PIEZO2: variants seen among roughly 807,000 people sequenced by gnomAD.
PIEZO2 encodes piezo-type mechanosensitive ion channel component 2.
PIEZO2 carries 172 observed loss-of-function variants against 337.3 expected under a neutral mutation model. The ratio of observed to expected loss-of-function variants is 0.51; its 90% CI spans 0.45 to 0.58. The LOEUF is 0.58. Ranked by LOEUF, PIEZO2 falls within the 20% of genes least tolerant of loss-of-function variation. The pLI, the probability that PIEZO2 is intolerant of heterozygous loss-of-function variation, is 0.00. For missense variants in PIEZO2, 3,028 were observed against 3,391.3 expected (o/e 0.89, Z 2.66); for synonymous variants, 1,251 against 1,228.5 (o/e 1.02, Z -0.38).
rs1236031616 is a variant in PIEZO2, at chr18:10,746,954, A to G, written c.4424+1517T>C. ...TGTACTGTAGTAGAATTGCTTGCTC[A>G]TGTGCCACTTTCCTGCTACTCTGTG... On this transcript the variant is annotated intron_variant, in intron 30 of 55. Transcript: ENST00000674853. The surrounding 1 kb of genome is among the most constrained non-coding windows in gnomAD (Gnocchi z 4.2). Among the ~76,000 whole-genome samples the G allele has an allele frequency of 4.6e-5, 7 of 152,174 alleles. No individual in the cohort carries two copies. Among genetic ancestry groups the G allele is most frequent in the Non-Finnish European group, 2.9e-5 (2 of 68,026 alleles).
chr18:10,746,851 G>A lies in PIEZO2; in HGVS notation c.4424+1620C>T, dbSNP rs1219767146. 6.6e-6 allele frequency among the ~76,000 whole-genome samples: 1 copy of A among 152,182 alleles called. No individual in the cohort carries two copies. Among genetic ancestry groups the A allele is most frequent in the African/African-American group, 2.4e-5 (1 of 41,442 alleles). On this transcript the variant is annotated intron_variant, in intron 30 of 55. Transcript: ENST00000674853. This position sits in a 1 kb window ranked among gnomAD's most constrained non-coding sequence, Gnocchi z 4.2. The stretch of plus-strand genomic sequence containing the variant: ...TCCAGCCTGTGGAACTGTAAGAATT[G>A]AGTGTATACTGTTTATAGACCACCT...
intron 7 of PIEZO2, among the ~76,000 whole-genome samples, chr18:10,851,436 C>G (rs2041549289): frequency 6.6e-6 from 1 of 152,098 alleles, no homozygotes; most frequent in Admixed American, 6.5e-5. Flanking sequence ...ATTATAATAA[C>G]AGACCTTTTA....
intron 7 of PIEZO2, among the ~76,000 whole-genome samples, chr18:10,852,252 T>TA (rs2041575336): frequency 9.9e-5 from 15 of 152,230 alleles, no homozygotes; most frequent in Non-Finnish European, 1.9e-4. Flanking sequence ...CAAAATTCTT[T>TA]TCTTATTAGA....
intron 1 of PIEZO2, among the ~76,000 whole-genome samples, chr18:11,134,437 C>T (rs993315584): frequency 2.6e-5 from 4 of 152,178 alleles, no homozygotes; most frequent in Admixed American, 1.3e-4. Flanking sequence ...TTCCCTCTCA[C>T]GGCTGTGACA....
At chr18:11,058,880 C>T (rs945868881) in intron 2 of PIEZO2, among the ~76,000 whole-genome samples, 1 of 152,158 alleles carries the variant, frequency 6.6e-6, no homozygotes, top group African/African-American at 2.4e-5. Context: ...GGCAGGCCAA[C>T]ATTCAAATTC....
chr18:10,804,829 A>G (rs559207146), intron 8 of PIEZO2, among the ~76,000 whole-genome samples: 1 of 152,324 alleles, frequency 6.6e-6, no homozygotes, highest in East Asian at 1.9e-4. Flanking sequence ...ACCTGGAACT[A>G]TGATATAATC....
chr18:11,079,406 G>T (rs2038658463), intron 1 of PIEZO2, among the ~76,000 whole-genome samples: 1 of 152,140 alleles, frequency 6.6e-6, no homozygotes, highest in Non-Finnish European at 1.5e-5. Flanking sequence ...TTTACTGGGG[G>T]ACAAGTAGGT....
chr18:10,757,429 G>C (rs1343957996), intron 27 of PIEZO2, among the ~76,000 whole-genome samples: 10 of 143,338 alleles, frequency 7.0e-5, no homozygotes, highest in Admixed American at 6.9e-4. Flanking sequence ...AAGAAGGCTG[G>C]AGGGTGAGGA....
rs1274299783 is a variant in PIEZO2 at position 10,671,658 on chromosome 18, A to T, written c.8467T>A (p.Leu2823Met). 1 of 1,614,074 alleles carries T rather than the reference A, an allele frequency of 6.2e-7. No individual in the cohort carries two copies. Residue 2823 changes from leucine to methionine, a missense_variant, in exon 56 of 56, where the codon TTG (leucine) becomes ATG (methionine). This residue lies in a region of PIEZO2 where 332 missense variants were observed against 363.8 expected (regional missense o/e 0.91). Transcript: ENST00000674853. ...ELPNVDRILK[L>M]CTDIFLVRET... ...CGAACTAAAAAAATATCTGTGCACA[A>T]CTTCAAAATTCGATCCACATTTGGA...
chr18:11,052,716 T>C (rs1489648590), intron 2 of PIEZO2, among the ~76,000 whole-genome samples: 9 of 152,210 alleles, frequency 5.9e-5, no homozygotes, highest in Non-Finnish European at 1.5e-5. Context: ...AATCCAAATA[T>C]AGTCTTTTGG....
intron 2 of PIEZO2, among the ~76,000 whole-genome samples, chr18:11,059,563 T>C (rs1296297780): frequency 2.6e-5 from 4 of 152,048 alleles, no homozygotes. Flanking sequence ...TGGAGGAAGA[T>C]CTATCATGCA....
At chr18:11,005,855 T>C (rs977992284) in intron 2 of PIEZO2, among the ~76,000 whole-genome samples, 22 of 152,236 alleles carry the variant, frequency 1.4e-4, no homozygotes, top group African/African-American at 5.1e-4. Flanking sequence ...GTGTTGTTTG[T>C]ATGTACACGC....
At chr18:10,883,306 C>T (rs264207) in intron 4 of PIEZO2, among the ~76,000 whole-genome samples, 143,876 of 152,170 alleles carry the variant, frequency 0.95, 68,110 homozygotes, top group East Asian at 1. Context: ...TGCTGGGTCT[C>T]ATGGTAGTTC....
In PIEZO2 at chr18:10,877,652, C is replaced by T. The variant is rs917400653; in HGVS notation, c.330-6237G>A. On this transcript the variant is annotated intron_variant, in intron 4 of 55. Transcript: ENST00000674853. This position sits in a 1 kb window ranked among gnomAD's most constrained non-coding sequence, Gnocchi z 5.3. ...CTTTCCCAGCCCTCCCCTTTATCCC[C>T]ACAGCCCGGTCTGGCCTCTGGGTGA... Among the ~76,000 whole-genome samples the T allele has an allele frequency of 5.3e-5, 8 of 152,310 alleles. No individual in the cohort carries two copies. Among genetic ancestry groups the T allele is most frequent in the African/African-American group, 1.9e-4 (8 of 41,564 alleles).
At chr18:10,691,425 T>G in intron 47 of PIEZO2, 42 bp from the exon 48 acceptor site, 2 of 1,583,316 alleles carry the variant, frequency 1.3e-6, no homozygotes, top group Non-Finnish European at 1.7e-6. Context: ...TGAAATACTC[T>G]TCTGAAACAA....
chr18:11,081,374 G>T (rs2038734482), intron 1 of PIEZO2, among the ~76,000 whole-genome samples: 2 of 152,210 alleles, frequency 1.3e-5, no homozygotes, highest in African/African-American at 4.8e-5. Flanking sequence ...ATGAGTCCCA[G>T]TGGGCAGCCA....
Position 10,789,474 on chromosome 18 carries a change from T to C in PIEZO2, c.1883-109A>G, listed in dbSNP as rs948139665. On this transcript the variant is annotated intron_variant, in intron 14 of 55. Coordinates refer to ENST00000674853, the MANE Select transcript of PIEZO2 (RefSeq NM_001378183.1). ...GAGGCATGCATTTTCTAAGTTATTG[T>C]ATAATTTGGATGATTTTAGACTATT... The C allele has an allele frequency of 6.2e-6, 8 of 1,284,996 alleles. No homozygotes were observed. The African/African-American group carries it at 9.0e-5, about 14-fold the overall frequency. The allele number at this position is 1,284,996 out of a possible 1,614,324, so 79.6% of individuals were successfully genotyped here.
intron 3 of PIEZO2, among the ~76,000 whole-genome samples, chr18:10,920,374 G>A (rs143854074): frequency 0.013 from 1,952 of 152,142 alleles, 24 homozygotes; most frequent in Non-Finnish European, 0.021. Context: ...AAAAGTTATC[G>A]GAACAGTTAG....
At chr18:10,787,964 A>G (rs777565760) in intron 15 of PIEZO2, among the ~76,000 whole-genome samples, 1 of 148,758 alleles carries the variant, frequency 6.7e-6, no homozygotes, top group Non-Finnish European at 1.5e-5. Context: ...TGCACTATAC[A>G]TATATATATA....
Sources: gnomAD v4.1 joint callset for allele counts (sites outside exome capture counted in the v4.1 genomes callset) on GRCh38, gnomAD v4.1.1 for gene constraint, gnomAD v4.1.1 regional missense constraint, Gnocchi (gnomAD v3.1) non-coding constraint, MANE v1.5 for transcripts, NCBI Gene and HGNC (gene_info 2026-07-23, HGNC 2026-07-21) for gene names.